The following SLCO2A1 variants were observed in gnomAD, a reference collection of about 807,000 sequenced individuals.
The protein encoded by SLCO2A1 is matrin F/G 1.
SLCO2A1 carries 60 observed loss-of-function variants against 71.7 expected under a neutral mutation model. That is an observed-to-expected ratio of 0.84 (90% confidence interval 0.68 to 1.04). SLCO2A1 has a LOEUF of 1.04. Among genes scored for constraint, SLCO2A1 ranks in the 50% least tolerant of loss-of-function variants. The probability of loss-of-function intolerance (pLI) is 0.00; values close to 1 mark genes in which losing one functional copy is unlikely to be tolerated. For synonymous variants in SLCO2A1, 308 were observed against 326.7 expected (o/e 0.94, Z 0.62); for missense variants, 745 against 813.4 (o/e 0.92, Z 1.02).
chr3:134,016,252 A>G (rs145340371), intron 1 of SLCO2A1, among the ~76,000 whole-genome samples: 2 of 152,190 alleles, frequency 1.3e-5, no homozygotes, highest in East Asian at 1.9e-4. Flanking sequence ...AATAAGCTAT[A>G]GTCTAGAAGA....
chr3:133,951,291 C>A lies in SLCO2A1; in HGVS notation c.778G>T (p.Gly260Cys). Residue 260 changes from glycine to cysteine, a missense_variant, in exon 6 of 14, where the codon GGC (glycine) becomes TGC (cysteine). By Grantham distance (159) the Gly-to-Cys change is radical. Coordinates refer to ENST00000310926, the MANE Select transcript of SLCO2A1 (RefSeq NM_005630.3). ...AATAAAGCTGAAGAAATGAGCAGGC[C>A]TAGCCACCAGGCTCCAATCCATCGG... ...DPRWIGAWWLGLLISSALLVL... is the reference protein window; with the variant it reads ...DPRWIGAWWLCLLISSALLVL... The A allele has an allele frequency of 6.2e-7, 1 of 1,614,158 alleles. No homozygotes were observed. Among genetic ancestry groups the A allele is most frequent in the South Asian group, 1.1e-5 (1 of 91,086 alleles).
At chr3:134,016,931 T>C (rs1935466697) in intron 1 of SLCO2A1, among the ~76,000 whole-genome samples, 1 of 152,166 alleles carries the variant, frequency 6.6e-6, no homozygotes, top group African/African-American at 2.4e-5. Flanking sequence ...AAAGCCAATC[T>C]CAAAAGGTCA....
intron 1 of SLCO2A1, among the ~76,000 whole-genome samples, chr3:133,984,400 G>A (rs1489268971): frequency 1.3e-5 from 2 of 152,246 alleles, no homozygotes; most frequent in East Asian, 3.9e-4. Context: ...AGAGGTGTTT[G>A]TATATATCTG....
chr3:133,979,402 C>T, intron 2 of SLCO2A1, 79 bp downstream of exon 2: 2 of 1,574,364 alleles, frequency 1.3e-6, no homozygotes, highest in Non-Finnish European at 1.7e-6. Context: ...TCTCAGCCCC[C>T]TGTTCCTCTG....
At chr3:133,981,466 A>G (rs1039625836) in intron 1 of SLCO2A1, among the ~76,000 whole-genome samples, 5 of 152,198 alleles carry the variant, frequency 3.3e-5, no homozygotes, top group Non-Finnish European at 7.3e-5. Flanking sequence ...ATTCAAAATC[A>G]CATGGATGGG....
chr3:134,009,947 A>G (rs1401889298), intron 1 of SLCO2A1, among the ~76,000 whole-genome samples: 3 of 152,202 alleles, frequency 2.0e-5, no homozygotes, highest in Admixed American at 6.5e-5. Context: ...AATGTCCTCC[A>G]CTATAAAATG....
intron 2 of SLCO2A1, among the ~76,000 whole-genome samples, chr3:133,976,102 T>C (rs1934439343): frequency 1.3e-5 from 2 of 152,214 alleles, no homozygotes; most frequent in Admixed American, 1.3e-4. Flanking sequence ...GGTAGACTTT[T>C]TCAAGAGGAG....
Position 133,979,511 on chromosome 3 carries a change from A to T in SLCO2A1, c.204T>A (p.Ser68=). The change falls in exon 2 of 14, where the codon TCT becomes TCA. Residue 68 remains serine, a synonymous_variant. Coordinates refer to ENST00000310926, the MANE Select transcript of SLCO2A1 (RefSeq NM_005630.3). ...TIEKRFGLSS[S]SSGLISSLNE... is the part of the protein sequence containing the mutation. Reference sequence around the variant, plus strand: ...TCAAGCTGGAAATGAGACCCGATGAAGAACTGGAGAGCCCAAAGCGCTTCT... The same window carrying T: ...TCAAGCTGGAAATGAGACCCGATGATGAACTGGAGAGCCCAAAGCGCTTCT... 1 of 1,614,180 alleles carries T rather than the reference A, an allele frequency of 6.2e-7. No individual in the cohort carries two copies. The highest frequency in any genetic ancestry group is 8.5e-7 in the Non-Finnish European group (1 of 1,180,026).
intron 1 of SLCO2A1, among the ~76,000 whole-genome samples, chr3:133,993,757 G>T (rs1246808792): frequency 6.6e-6 from 1 of 152,144 alleles, no homozygotes; most frequent in African/African-American, 2.4e-5. Context: ...TTTATGGCAG[G>T]TATAGGACAT....
chr3:133,953,807 G>C (rs1330872100), intron 4 of SLCO2A1, 46 bp from the exon 5 acceptor site: 1 of 1,524,448 alleles, frequency 6.6e-7, no homozygotes. Context: ...AATGGAGAGA[G>C]TTTGGCAGCC....
intron 3 of SLCO2A1, among the ~76,000 whole-genome samples, chr3:133,972,459 A>G (rs1934346769): frequency 6.6e-6 from 1 of 152,222 alleles, no homozygotes; most frequent in Admixed American, 6.5e-5. Context: ...GATGTGCAAT[A>G]TCAGGAATGT....
rs79516996 is a variant in SLCO2A1, at chr3:133,939,891, A to G, written c.1626-1398T>C. On this transcript the variant is annotated intron_variant, in intron 11 of 13. Coordinates refer to ENST00000310926, the MANE Select transcript of SLCO2A1 (RefSeq NM_005630.3). ...ACGTTTTCAGCTAGCCTTCACTTCCAGCTTGTGTTCCCATGGCTAATTGGG... is the reference window on the plus strand; with the variant it reads ...ACGTTTTCAGCTAGCCTTCACTTCCGGCTTGTGTTCCCATGGCTAATTGGG... Among the ~76,000 whole-genome samples, 23 of 151,580 alleles carry G rather than the reference A, an allele frequency of 1.5e-4. 1 individual carries two copies. The East Asian group carries it at 2.3e-3, about 15-fold the overall frequency.
chr3:133,994,445 C>T (rs1934919651), intron 1 of SLCO2A1, among the ~76,000 whole-genome samples: 1 of 152,226 alleles, frequency 6.6e-6, no homozygotes, highest in Admixed American at 6.5e-5. Flanking sequence ...CCAACAATGG[C>T]TTTACCTACC....
chr3:133,943,284 G>A (rs771847028), intron 10 of SLCO2A1, among the ~76,000 whole-genome samples: 6 of 152,224 alleles, frequency 3.9e-5, no homozygotes, highest in Non-Finnish European at 8.8e-5. Context: ...CTCCAGAGAA[G>A]GAGGCCCCTG....
Position 133,933,524 on chromosome 3 carries a change from C to A in SLCO2A1, c.*1189G>T, listed in dbSNP as rs533968448. On this transcript the variant is annotated 3_prime_UTR_variant, in exon 14 of 14. Transcript: ENST00000310926. ...TCCTTCGTTGGCTTCTGTCTCTCAA[C>A]ATCTATCACGTAGCAGCTGTGTCTC... The A allele has an allele frequency of 6.6e-6, 1 of 152,272 alleles. No homozygotes were observed. Among genetic ancestry groups the A allele is most frequent in the South Asian group, 2.1e-4 (1 of 4,834 alleles). 9.4% of individuals were successfully genotyped at this position (152,272 alleles called of 1,614,324 possible). A position where few individuals can be genotyped will look rare whatever the true frequency, so the allele number is the denominator to read the frequency against.
rs1301751304 is a variant in SLCO2A1 at position 133,956,668 on chromosome 3, G to A, written c.398-1475C>T. Among the ~76,000 whole-genome samples the A allele has an allele frequency of 2.6e-5, 4 of 152,208 alleles. No individual in the cohort carries two copies. In the East Asian group the frequency reaches 7.7e-4, roughly 29 times the overall value. On this transcript the variant is annotated intron_variant, in intron 3 of 13. Transcript: ENST00000310926. ...CCTTTCAATGCAGAATTCAAATAGA[G>A]TGGCCCGACCACATGGTGATATAAT...
At chr3:134,011,471 C>T (rs1321724512) in intron 1 of SLCO2A1, among the ~76,000 whole-genome samples, 5 of 152,236 alleles carry the variant, frequency 3.3e-5, no homozygotes, top group Non-Finnish European at 1.5e-5. Context: ...CGGAAGGCAG[C>T]GTCCTGATAT....
Position 133,999,291 on chromosome 3 carries a change from C to T in SLCO2A1, c.97-19673G>A, listed in dbSNP as rs147168037. ...TGACTGAAATGGTGCTTTCCTCTGG[C>T]AATGATGCACACAGTTTACAATTCC... On this transcript the variant is annotated intron_variant, in intron 1 of 13. Transcript: ENST00000310926. Among the ~76,000 whole-genome samples the T allele has an allele frequency of 2.6e-5, 4 of 152,316 alleles. No individual in the cohort carries two copies. The East Asian group carries it at 7.7e-4, about 29-fold the overall frequency.
chr3:133,956,239 C>T (rs1379015561), intron 3 of SLCO2A1, among the ~76,000 whole-genome samples: 3 of 152,284 alleles, frequency 2.0e-5, no homozygotes, highest in South Asian at 2.1e-4. Flanking sequence ...AGAGGAAAAC[C>T]GAGCGCCGTA....
Sources: gnomAD v4.1 joint callset for allele counts (sites outside exome capture counted in the v4.1 genomes callset) on GRCh38, gnomAD v4.1.1 for gene constraint, MANE v1.5 for transcripts, NCBI Gene and HGNC (gene_info 2026-07-23, HGNC 2026-07-21) for gene names.